DROSHA: variants seen among roughly 807,000 people sequenced by gnomAD.
The protein encoded by DROSHA is ribonuclease 3.
In DROSHA, 56 loss-of-function variants were observed where a neutral mutation model predicts 181.9. The observed-to-expected ratio is 0.31, with a 90% confidence interval of 0.25 to 0.38. The LOEUF (loss-of-function observed/expected upper bound fraction) is 0.38, where lower values mean the gene tolerates loss of function less well. DROSHA is among the 10% of genes least tolerant of loss of function. DROSHA has a pLI of 1.00. For synonymous variants in DROSHA, 524 were observed against 591.2 expected, an observed-to-expected ratio of 0.89 and a Z score of 1.65; for missense variants, 1,218 against 1,743.5, an observed-to-expected ratio of 0.70 and a Z score of 5.37.
intron 25 of DROSHA, 64 bp downstream of exon 25, chr5:31,435,701 T>G (rs1744698948): frequency 1.4e-6 from 2 of 1,458,856 alleles, no homozygotes; most frequent in African/African-American, 2.8e-5. Context: ...AAATGCAAAA[T>G]TATGCATGGA....
chr5:31,526,295 G>T lies in DROSHA; in HGVS notation c.638C>A (p.Pro213Gln), dbSNP rs779587523. ...HFRHLPPYPL[P>Q]KAPSERRSPE... ...GGACCTTCTCTCACTGGGAGCCTTT[G>T]GGAGTGGGTATGGAGGGAGATGTCT... Residue 213 changes from proline (P) to glutamine (Q), a missense_variant, in exon 5 of 36, where the codon CCA (proline) becomes CAA (glutamine). Coordinates refer to ENST00000344624, the MANE Select transcript of DROSHA (RefSeq NM_001382508.1). The T allele has an allele frequency of 6.2e-7, 1 of 1,613,788 alleles. No homozygotes were observed. Among genetic ancestry groups the T allele is most frequent in the East Asian group, 2.2e-5 (1 of 44,876 alleles).
chr5:31,441,956 G>A (rs1395902881), intron 23 of DROSHA, among the ~76,000 whole-genome samples: 2 of 152,136 alleles, frequency 1.3e-5, no homozygotes, highest in East Asian at 3.9e-4. Context: ...CATTTTTAAA[G>A]AATAATAAGA....
At chr5:31,415,062 T>C (rs1741779102) in intron 30 of DROSHA, among the ~76,000 whole-genome samples, 1 of 152,364 alleles carries the variant, frequency 6.6e-6, no homozygotes, top group Non-Finnish European at 1.5e-5. Flanking sequence ...TATGCCAGCA[T>C]AGCAGTCTTT....
chr5:31,519,401 A>G (rs1372457507), intron 6 of DROSHA, among the ~76,000 whole-genome samples: 1 of 152,132 alleles, frequency 6.6e-6, no homozygotes. Flanking sequence ...TCTAATCCAG[A>G]GCAACATGTA....
rs1561248775 is a variant in DROSHA at position 31,493,306 on chromosome 5, A to G, written c.1756-13T>C. 6.3e-7 allele frequency: 1 copy of G among 1,583,464 alleles called. No individual in the cohort carries two copies. Among genetic ancestry groups the G allele is most frequent in the Non-Finnish European group, 8.6e-7 (1 of 1,165,836 alleles). On this transcript the variant is annotated splice_polypyrimidine_tract_variant and intron_variant, in intron 12 of 35. Coordinates refer to ENST00000344624, the MANE Select transcript of DROSHA (RefSeq NM_001382508.1). ...TTGGCCTGTCAGTCTAAAAGCAAAC[A>G]GAAACACGAACCCCAAATTAAATAA...
intron 20 of DROSHA, among the ~76,000 whole-genome samples, chr5:31,462,560 A>C (rs1748521822): frequency 6.6e-6 from 1 of 151,670 alleles, no homozygotes; most frequent in African/African-American, 2.4e-5. Flanking sequence ...CTGAGGGTAG[A>C]GGAAGGACAT....
chr5:31,479,673 G>A (rs192317815), intron 16 of DROSHA, among the ~76,000 whole-genome samples: 33 of 152,070 alleles, frequency 2.2e-4, no homozygotes, highest in African/African-American at 8.0e-4. Context: ...AATCTACAGA[G>A]AAGGTATTAG....
intron 8 of DROSHA, among the ~76,000 whole-genome samples, chr5:31,513,270 A>G (rs909951246): frequency 6.6e-6 from 1 of 152,162 alleles, no homozygotes; most frequent in African/African-American, 2.4e-5. Flanking sequence ...GCAACTGTGG[A>G]AGATGCTCAG....
chr5:31,432,023 C>T (rs1744239544), intron 25 of DROSHA, among the ~76,000 whole-genome samples: 1 of 152,176 alleles, frequency 6.6e-6, no homozygotes, highest in African/African-American at 2.4e-5. Context: ...CTGGGTTCAT[C>T]CAATATGCCT....
At position 31,526,476 on chromosome 5, in the gene DROSHA, G is replaced by T; in HGVS notation, c.457C>A (p.His153Asn). The T allele has an allele frequency of 6.3e-7, 1 of 1,596,954 alleles. No homozygotes were observed. Among genetic ancestry groups the T allele is most frequent in the Non-Finnish European group, 8.6e-7 (1 of 1,167,990 alleles). ...GGCATGACTGGAGGGGGCGGGGGAT[G>T]AGGCATGGAGGGAGGGGGCATCATG... is the stretch of plus-strand genomic sequence containing the variant. ...PFMMPPPSMPHPPPPPVMPQQ... is the reference protein window; with the variant it reads ...PFMMPPPSMPNPPPPPVMPQQ... Residue 153 changes from histidine to asparagine, a missense_variant, in exon 5 of 36, where the codon CAT (histidine) becomes AAT (asparagine). Physicochemically the swap from His to Asn is moderately conservative, Grantham distance 68. Around this residue, in one of 8 missense-constraint regions of DROSHA, gnomAD observed 536 missense variants for 535.4 expected, o/e 1.00. Coordinates refer to ENST00000344624, the MANE Select transcript of DROSHA (RefSeq NM_001382508.1).
intron 8 of DROSHA, among the ~76,000 whole-genome samples, chr5:31,513,870 T>C (rs887277158): frequency 6.6e-6 from 1 of 152,152 alleles, no homozygotes; most frequent in African/African-American, 2.4e-5. Flanking sequence ...GTGGCAAATA[T>C]GCCTAACAGG....
chr5:31,435,903 C>T lies in DROSHA; in HGVS notation c.2943-39G>A, dbSNP rs554042029. The stretch of plus-strand genomic sequence containing the variant: ...AAGAAGTACATGAATAAATATGCAT[C>T]ACGACATTCTGTCTGTGGCTCTGAG... On this transcript the variant is annotated intron_variant, in intron 24 of 35. Coordinates refer to ENST00000344624, the MANE Select transcript of DROSHA (RefSeq NM_001382508.1). 5.1e-6 allele frequency: 8 copies of T among 1,583,798 alleles called. No individual in the cohort carries two copies. The Admixed American group carries it at 1.0e-4, about 20-fold the overall frequency.
chr5:31,524,001 A>T (rs1478632575), intron 5 of DROSHA, among the ~76,000 whole-genome samples: 1 of 142,640 alleles, frequency 7.0e-6, no homozygotes, highest in African/African-American at 2.5e-5. Flanking sequence ...AAAAACAACA[A>T]AAAAAAAACT....
chr5:31,519,328 T>C (rs1739615025), intron 6 of DROSHA, among the ~76,000 whole-genome samples: 1 of 152,164 alleles, frequency 6.6e-6, no homozygotes, highest in African/African-American at 2.4e-5. Flanking sequence ...TCAGGCCCTC[T>C]TGTCATCTTT....
chr5:31,497,690 A>T (rs1753155906), intron 11 of DROSHA, among the ~76,000 whole-genome samples: 1 of 152,242 alleles, frequency 6.6e-6, no homozygotes, highest in Non-Finnish European at 1.5e-5. Flanking sequence ...ATTCTCTCAT[A>T]GAAATGAGTG....
Position 31,451,520 on chromosome 5 carries a change from G to A in DROSHA, c.2682+13C>T, listed in dbSNP as rs371798234. 9.4e-6 allele frequency: 15 copies of A among 1,595,034 alleles called. No homozygotes were observed. The African/African-American group carries it at 2.0e-4, about 21-fold the overall frequency. ...CTTGTTATTATGTGAGTTTACAGGA[G>A]AATAATTCTTACCTGCAACAGACAA... On this transcript the variant is annotated intron_variant, in intron 21 of 35. Transcript: ENST00000344624.
chr5:31,449,498 T>C lies in DROSHA; in HGVS notation c.2683-79A>G, dbSNP rs1580133589. 3 of 1,453,464 alleles carry C rather than the reference T, an allele frequency of 2.1e-6. No homozygotes were observed. In the South Asian group the frequency reaches 3.9e-5, roughly 19 times the overall value. 90.0% of individuals were successfully genotyped at this position (1,453,464 alleles called of 1,614,324 possible). A position where few individuals can be genotyped will look rare whatever the true frequency, so the allele number is the denominator to read the frequency against. On this transcript the variant is annotated intron_variant, in intron 21 of 35. Transcript: ENST00000344624. ...GTGGCTCACGCCTGTAATCCTAAGG[T>C]GGAGGGACCACTTTAGCCCAGGAGA...
At chr5:31,421,138 G>A in intron 30 of DROSHA, 134 bp downstream of exon 30, 1 of 690,690 alleles carries the variant, frequency 1.4e-6, no homozygotes, top group Non-Finnish European at 2.4e-6. Context: ...TTTGCACAAT[G>A]AAATGAACAA....
At chr5:31,495,459 T>A in intron 11 of DROSHA, 87 bp from the exon 12 acceptor site, 1 of 1,258,968 alleles carries the variant, frequency 7.9e-7, no homozygotes, top group Non-Finnish European at 1.1e-6. Flanking sequence ...GATTCACATC[T>A]AACAAAACAG....
Sources: allele counts gnomAD v4.1 joint callset (sites outside exome capture counted in the v4.1 genomes callset), GRCh38; gene constraint gnomAD v4.1.1; regional missense constraint gnomAD v4.1.1; transcripts MANE v1.5; gene names NCBI Gene and HGNC (gene_info 2026-07-23, HGNC 2026-07-21).